ORC1: variants seen among roughly 807,000 people sequenced by gnomAD.
The protein encoded by ORC1 is origin recognition complex subunit 1.
A neutral mutation model predicts 98.9 loss-of-function variants in ORC1; 61 were observed. That is an observed-to-expected ratio of 0.62 (90% confidence interval 0.50 to 0.76). The LOEUF (loss-of-function observed/expected upper bound fraction) is 0.76, where lower values mean the gene tolerates loss of function less well. Among genes scored for constraint, ORC1 ranks in the 30% least tolerant of loss-of-function variants. The pLI is 0.00. For missense variants in ORC1, 979 were observed against 1,072.2 expected, an observed-to-expected ratio of 0.91 and a Z score of 1.21; for synonymous variants, 385 against 406.9, an observed-to-expected ratio of 0.95 and a Z score of 0.65.
At chr1:52,402,079 T>A in intron 2 of ORC1, 50 bp downstream of exon 2, 1 of 1,323,844 alleles carries the variant, frequency 7.6e-7, no homozygotes, top group Non-Finnish European at 1.1e-6. Context: ...GTTGACTGTT[T>A]AGCTTGAGAA....
intron 13 of ORC1, among the ~76,000 whole-genome samples, chr1:52,382,964 T>A (rs1321465428): frequency 1.3e-5 from 2 of 152,182 alleles, no homozygotes; most frequent in South Asian, 2.1e-4. Context: ...CAAGATATGA[T>A]GTTTGCAGAA....
In ORC1 at chr1:52,384,629, T is replaced by A. The variant is rs2147924672; in HGVS notation, c.1676A>T (p.Asp559Val). Residue 559 changes from aspartate to valine, a missense_variant, in exon 11 of 17, where the codon GAT becomes GTT. By Grantham distance (152) the Asp-to-Val change is radical. Transcript: ENST00000371568. Reference sequence around the variant, plus strand: ...CTCAATGTATTGAAAGGGAGGAACATCATTGGCTTGGGCTGCCTGCTGCAG... The same window carrying A: ...CTCAATGTATTGAAAGGGAGGAACAACATTGGCTTGGGCTGCCTGCTGCAG... The part of the protein sequence containing the change: ...RCLQQAAQAN[D>V]VPPFQYIEVN... The A allele has an allele frequency of 1.9e-6, 3 of 1,613,970 alleles. No homozygotes were observed. Among genetic ancestry groups the A allele is most frequent in the Non-Finnish European group, 2.5e-6 (3 of 1,179,922 alleles).
chr1:52,408,682 G>T (rs749486229), upstream of ORC1: 2 of 1,614,074 alleles, frequency 1.2e-6, no homozygotes, highest in Non-Finnish European at 1.7e-6. Flanking sequence ...AGCCAGAACC[G>T]AAATGGGGGT....
intron 8 of ORC1, among the ~76,000 whole-genome samples, chr1:52,387,677 T>C (rs1647161866): frequency 6.6e-6 from 1 of 152,124 alleles, no homozygotes; most frequent in African/African-American, 2.4e-5. Flanking sequence ...CAGGCTGGTC[T>C]TGAATTCCTG....
At position 52,381,271 on chromosome 1, in the gene ORC1, T is replaced by C. The variant is rs549317662; in HGVS notation, c.2133+371A>G. On this transcript the variant is annotated intron_variant, in intron 14 of 16. Coordinates refer to ENST00000371568, the MANE Select transcript of ORC1 (RefSeq NM_004153.4). ...TATGAGGGAAGTGCTCTCATTCTTC[T>C]TCAGAGAAGAAAACTGAGGCTCAGG... Among the ~76,000 whole-genome samples the C allele has an allele frequency of 1.9e-4, 29 of 152,300 alleles. No individual in the cohort carries two copies. In the South Asian group the frequency reaches 5.8e-3, roughly 30 times the overall value.
intron 9 of ORC1, 62 bp from the exon 10 acceptor site, chr1:52,385,324 C>T (rs1647128764): frequency 9.7e-7 from 1 of 1,034,844 alleles, no homozygotes; most frequent in African/African-American, 1.6e-5. Flanking sequence ...ACCATCTACT[C>T]ATTAATCAAT....
intron 14 of ORC1, among the ~76,000 whole-genome samples, chr1:52,380,820 T>TA (rs1254084594): frequency 6.6e-6 from 1 of 152,000 alleles, no homozygotes; most frequent in East Asian, 1.9e-4. Flanking sequence ...GCCTAGATGA[T>TA]AACTTTGAGG....
At chr1:52,408,234 T>C (rs1458259894), upstream of ORC1, 2 of 386,446 alleles carry the variant, frequency 5.2e-6, no homozygotes, top group Middle Eastern at 8.4e-4. Context: ...AGCAAGACTC[T>C]GCCTTAAAAA....
chr1:52,404,486 A>T (rs3806209), upstream of ORC1: 14 of 342,784 alleles, frequency 4.1e-5, no homozygotes, highest in African/African-American at 1.3e-4. Flanking sequence ...TCGTTGCGAC[A>T]CCAACTAGCT....
At chr1:52,394,421 C>T (rs1411509010) in intron 5 of ORC1, among the ~76,000 whole-genome samples, 1 of 152,172 alleles carries the variant, frequency 6.6e-6, no homozygotes, top group Non-Finnish European at 1.5e-5. Context: ...CTGAATGAGG[C>T]TCAATCCTGG....
chr1:52,401,567 GA>G, intron 2 of ORC1, 78 bp from the exon 3 acceptor site: 1 of 1,521,432 alleles, frequency 6.6e-7, no homozygotes, highest in Non-Finnish European at 9.1e-7. Context: ...GCACAAAGGA[GA>G]GGGCTCTCCA....
At chr1:52,395,915 A>G (rs1647371612) in intron 5 of ORC1, 131 bp downstream of exon 5, 2 of 1,472,604 alleles carry the variant, frequency 1.4e-6, no homozygotes, top group African/African-American at 1.4e-5. Context: ...GGATTGCTTG[A>G]GCATGATCAC....
chr1:52,389,134 CAGTATA>C, intron 7 of ORC1, 77 bp downstream of exon 7: 1 of 998,222 alleles, frequency 1.0e-6, no homozygotes, highest in Non-Finnish European at 1.6e-6. Context: ...GGCAAATAAA[CAGTATA>C]AGAGGCATTA....
intron 15 of ORC1, among the ~76,000 whole-genome samples, chr1:52,375,205 T>C (rs1209074817): frequency 6.6e-6 from 1 of 152,178 alleles, no homozygotes; most frequent in African/African-American, 2.4e-5. Context: ...CCTTTTTTTT[T>C]TGTTCCTATC....
intron 6 of ORC1, among the ~76,000 whole-genome samples, chr1:52,392,605 C>A (rs1281408660): frequency 1.3e-5 from 2 of 152,148 alleles, no homozygotes; most frequent in African/African-American, 4.8e-5. Flanking sequence ...AAGACACATG[C>A]ACACGCATGT....
Position 52,396,223 on chromosome 1 carries a change from T to C in ORC1, c.544A>G (p.Ser182Gly), listed in dbSNP as rs776623839. ...ACGGGTTTCTGGCACTTGGCTGCACTCTCTTGTGGTTTATTCAACTCCGCA... is the reference window on the plus strand; with the variant it reads ...ACGGGTTTCTGGCACTTGGCTGCACCCTCTTGTGGTTTATTCAACTCCGCA... ...LFAELNKPQESAAKCQKPVRA... is the reference protein window; with the variant it reads ...LFAELNKPQEGAAKCQKPVRA... The change falls in exon 5 of 17, where the codon AGT (serine) becomes GGT (glycine). Residue 182 changes from serine (S) to glycine (G), a missense_variant. By Grantham distance (56) the Ser-to-Gly change is moderately conservative. Coordinates refer to ENST00000371568, the MANE Select transcript of ORC1 (RefSeq NM_004153.4). The C allele has an allele frequency of 1.2e-6, 2 of 1,614,064 alleles. No homozygotes were observed. Among genetic ancestry groups the C allele is most frequent in the Admixed American group, 1.7e-5 (1 of 59,998 alleles).
intron 6 of ORC1, among the ~76,000 whole-genome samples, chr1:52,390,073 T>C (rs900092860): frequency 2.0e-5 from 3 of 152,228 alleles, no homozygotes; most frequent in Non-Finnish European, 2.9e-5. Context: ...CCCATGCTCA[T>C]GGATGGGTAG....
At chr1:52,383,105 C>T (rs922584816) in intron 13 of ORC1, among the ~76,000 whole-genome samples, 9 of 150,632 alleles carry the variant, frequency 6.0e-5, no homozygotes, top group Non-Finnish European at 8.9e-5. Context: ...ACTCTTGCTT[C>T]GTTGCCAGAC....
At chr1:52,389,632 C>A (rs1408682591) in intron 6 of ORC1, among the ~76,000 whole-genome samples, 1 of 152,140 alleles carries the variant, frequency 6.6e-6, no homozygotes, top group Non-Finnish European at 1.5e-5. Context: ...GTTTCTGATG[C>A]ATGCATGAAT....
Sources: gnomAD v4.1 joint callset for allele counts (sites outside exome capture counted in the v4.1 genomes callset) on GRCh38, gnomAD v4.1.1 for gene constraint, MANE v1.5 for transcripts, NCBI Gene and HGNC (gene_info 2026-07-23, HGNC 2026-07-21) for gene names.